MGRN1: variants seen among roughly 807,000 people sequenced by gnomAD.
MGRN1 encodes the protein mahogunin ring finger 1.
A neutral mutation model predicts 69.2 loss-of-function variants in MGRN1; 29 were observed. The observed-to-expected ratio is 0.42, with a 90% confidence interval of 0.31 to 0.57. MGRN1 has a LOEUF of 0.57. MGRN1 is among the 20% of genes least tolerant of loss of function. MGRN1 has a pLI of 0.15. For synonymous variants in MGRN1, 470 were observed against 344.2 expected, an observed-to-expected ratio of 1.37 and a Z score of -4.04; for missense variants, 998 against 796.2, an observed-to-expected ratio of 1.25 and a Z score of -3.05.
intron 1 of MGRN1, among the ~76,000 whole-genome samples, chr16:4,648,323 C>T (rs2078319924): frequency 7.2e-6 from 1 of 139,012 alleles, no homozygotes; most frequent in African/African-American, 2.9e-5. Flanking sequence ...TTCCCGTGGT[C>T]ACCCGGCTCC....
At chr16:4,642,613 C>T (rs949508792) in intron 1 of MGRN1, among the ~76,000 whole-genome samples, 5 of 151,544 alleles carry the variant, frequency 3.3e-5, no homozygotes, top group Admixed American at 6.6e-5. Flanking sequence ...CGTGAGCCAC[C>T]GCACCCGGCC....
intron 5 of MGRN1, among the ~76,000 whole-genome samples, chr16:4,658,242 C>T (rs2078597093): frequency 6.6e-6 from 1 of 151,818 alleles, no homozygotes; most frequent in Non-Finnish European, 1.5e-5. Flanking sequence ...TGTAACAGTA[C>T]AGACCTTGTG....
At chr16:4,641,512 C>G (rs1596267294) in intron 1 of MGRN1, among the ~76,000 whole-genome samples, 1 of 145,796 alleles carries the variant, frequency 6.9e-6, no homozygotes, top group South Asian at 2.1e-4. Flanking sequence ...CTGTGCCTGG[C>G]TACTTTTTTT....
chr16:4,675,445 A>G (rs1190198695), intron 10 of MGRN1, among the ~76,000 whole-genome samples: 3 of 152,166 alleles, frequency 2.0e-5, no homozygotes, highest in African/African-American at 4.8e-5. Flanking sequence ...ATATTTCAAT[A>G]AATTTTTAGC....
At chr16:4,652,193 C>G in intron 3 of MGRN1, 142 bp downstream of exon 3, 1 of 749,824 alleles carries the variant, frequency 1.3e-6, no homozygotes, top group Non-Finnish European at 2.2e-6. Flanking sequence ...AGAGGCTGTC[C>G]TGGGCTGAGC....
rs781209484 is a variant in MGRN1, at chr16:4,625,096, C to G, written c.88+48C>G. ...GGACTGCTAGGCACGCGCTGGAACG[C>G]GGACCCGGCGGGCGCGGGGGCGGGG... is the stretch of plus-strand genomic sequence containing the variant. On this transcript the variant is annotated intron_variant, in intron 1 of 16. Transcript: ENST00000262370. 3.4e-6 allele frequency: 5 copies of G among 1,470,528 alleles called. No individual in the cohort carries two copies. The East Asian group carries it at 1.2e-4, about 36-fold the overall frequency. The allele number at this position is 1,470,528 out of a possible 1,614,324, so 91.1% of individuals were successfully genotyped here.
At chr16:4,627,106 G>A (rs772739781) in intron 1 of MGRN1, among the ~76,000 whole-genome samples, 17 of 152,182 alleles carry the variant, frequency 1.1e-4, no homozygotes, top group Non-Finnish European at 1.8e-4. Context: ...GAGGCAGGCC[G>A]GGCCTCAGCA....
At chr16:4,627,631 C>CA (rs1341013155) in intron 1 of MGRN1, among the ~76,000 whole-genome samples, 1 of 151,110 alleles carries the variant, frequency 6.6e-6, no homozygotes, top group East Asian at 1.9e-4. Flanking sequence ...ACTAAAAATA[C>CA]AAAAAAATTT....
chr16:4,634,474 T>A (rs1415478601), intron 1 of MGRN1: 1 of 152,436 alleles, frequency 6.6e-6, no homozygotes, highest in Non-Finnish European at 1.5e-5. Flanking sequence ...TCTCTAGCTT[T>A]GCGCTTTGGG....
chr16:4,659,710 A>G (rs2078633051), intron 5 of MGRN1, among the ~76,000 whole-genome samples: 2 of 152,386 alleles, frequency 1.3e-5, no homozygotes, highest in South Asian at 2.1e-4. Flanking sequence ...GGGGCCTTCA[A>G]GGTGCTATCC....
At chr16:4,666,639 G>C (rs1477140720) in intron 7 of MGRN1, among the ~76,000 whole-genome samples, 1 of 152,184 alleles carries the variant, frequency 6.6e-6, no homozygotes, top group Admixed American at 6.5e-5. Context: ...TTCCTACCAG[G>C]CTCAGTGTCC....
chr16:4,639,966 C>T (rs1021008185), intron 1 of MGRN1: 5 of 152,070 alleles, frequency 3.3e-5, no homozygotes, highest in Non-Finnish European at 5.9e-5. Context: ...TGCTGCGGCT[C>T]CTCTGCTGCG....
intron 8 of MGRN1, among the ~76,000 whole-genome samples, 156 bp downstream of exon 8, chr16:4,668,468 C>T (rs567297494): frequency 1.1e-4 from 16 of 151,772 alleles, no homozygotes; most frequent in East Asian, 5.8e-4. Context: ...CACATATATA[C>T]GGACACACAT....
At chr16:4,659,285 G>T (rs927052836) in intron 5 of MGRN1, 1 of 152,332 alleles carries the variant, frequency 6.6e-6, no homozygotes, top group African/African-American at 2.4e-5. Flanking sequence ...CTGCTCTCAC[G>T]TGTGACTGTG....
chr16:4,672,986 G>C (rs1301303161), intron 9 of MGRN1, among the ~76,000 whole-genome samples: 1 of 152,002 alleles, frequency 6.6e-6, no homozygotes, highest in Non-Finnish European at 1.5e-5. Context: ...CTACAAGCAC[G>C]TGCCACCATG....
intron 8 of MGRN1, among the ~76,000 whole-genome samples, chr16:4,670,649 A>C (rs2078917944): frequency 6.6e-6 from 1 of 152,200 alleles, no homozygotes; most frequent in South Asian, 2.1e-4. Flanking sequence ...GAGCCTGGGG[A>C]TTCCAGACCA....
chr16:4,642,112 G>T (rs6500627), intron 1 of MGRN1, among the ~76,000 whole-genome samples: 1 of 146,070 alleles, frequency 6.8e-6, no homozygotes, highest in Non-Finnish European at 1.5e-5. Flanking sequence ...TTCCCTGTCA[G>T]CATATGACTT....
chr16:4,625,393 C>T (rs1469092135), intron 1 of MGRN1, among the ~76,000 whole-genome samples: 2 of 152,358 alleles, frequency 1.3e-5, no homozygotes, highest in African/African-American at 4.8e-5. Flanking sequence ...CGGCGCATCG[C>T]TTCTGCCTAG....
chr16:4,658,263 C>T lies in MGRN1; in HGVS notation c.561+900C>T, dbSNP rs140519881. ...AGTACAGACCTTGTGTGGCCGGGCGCGGTGGCTCATGCCTGTAATCCCAGC... is the reference window on the plus strand; with the variant it reads ...AGTACAGACCTTGTGTGGCCGGGCGTGGTGGCTCATGCCTGTAATCCCAGC... On this transcript the variant is annotated intron_variant, in intron 5 of 16. Transcript: ENST00000262370. 7.9e-5 allele frequency among the ~76,000 whole-genome samples: 12 copies of T among 151,398 alleles called. No individual in the cohort carries two copies. The East Asian group carries it at 2.0e-3, about 25-fold the overall frequency.
Sources: allele counts gnomAD v4.1 joint callset (sites outside exome capture counted in the v4.1 genomes callset), GRCh38; gene constraint gnomAD v4.1.1; transcripts MANE v1.5; gene names NCBI Gene and HGNC (gene_info 2026-07-23, HGNC 2026-07-21).